The following SRP54 variants were observed in gnomAD, a reference collection of about 807,000 sequenced individuals.
SRP54 encodes signal recognition particle 54.
Under a neutral mutation model 64.8 loss-of-function variants are expected in SRP54, and 10 were observed. That is an observed-to-expected ratio of 0.15 (90% CI 0.10 to 0.26). The LOEUF is 0.26. Ranked by LOEUF, SRP54 falls within the 10% of genes least tolerant of loss-of-function variation. The pLI, the probability that SRP54 is intolerant of heterozygous loss-of-function variation, is 1.00. For synonymous variants in SRP54, 193 were observed against 185.6 expected, an observed-to-expected ratio of 1.04 and a Z score of -0.32; for missense variants, 325 against 613.7, an observed-to-expected ratio of 0.53 and a Z score of 4.97.
chr14:35,026,754 C>T (rs1288137775), intron 14 of SRP54, among the ~76,000 whole-genome samples: 3 of 152,074 alleles, frequency 2.0e-5, no homozygotes, highest in Non-Finnish European at 4.4e-5. Flanking sequence ...ACCATCCTGG[C>T]CAAAATGGTG....
chr14:34,988,560 C>CAAAAAAAAAA (rs1160365086), intron 1 of SRP54, among the ~76,000 whole-genome samples: 12 of 26,336 alleles, frequency 4.6e-4, no homozygotes, highest in Admixed American at 8.0e-4. Flanking sequence ...GACTCCATCT[C>CAAAAAAAAAA]AAAAAAAAAA....
At chr14:35,011,410 T>C in intron 7 of SRP54, 99 bp from the exon 8 acceptor site, 1 of 913,174 alleles carries the variant, frequency 1.1e-6, no homozygotes, top group Non-Finnish European at 1.5e-6. Context: ...TGGGGTCATT[T>C]TGGCTTTTTC....
At chr14:34,991,109 CTTT>C (rs71435838) in intron 1 of SRP54, among the ~76,000 whole-genome samples, 1,251 of 111,100 alleles carry the variant, frequency 0.011, 14 homozygotes, top group Non-Finnish European at 0.018. Context: ...AATTTCTTTT[CTTT>C]TTTTTTTTTT....
intron 7 of SRP54, among the ~76,000 whole-genome samples, chr14:35,010,924 GT>G (rs2044346936): frequency 6.6e-6 from 1 of 151,924 alleles, no homozygotes; most frequent in Admixed American, 6.6e-5. Flanking sequence ...TTTTTCACCC[GT>G]GTTAATTTTT....
intron 1 of SRP54, among the ~76,000 whole-genome samples, chr14:34,988,795 T>G (rs1009089291): frequency 2.0e-5 from 3 of 151,712 alleles, no homozygotes; most frequent in African/African-American, 7.3e-5. Context: ...TACAGTTGTC[T>G]CTTGCTATCT....
chr14:35,011,490 A>G lies in SRP54; in HGVS notation c.486-19A>G, dbSNP rs368962279. 388 of 1,405,904 alleles carry G rather than the reference A, an allele frequency of 2.8e-4. No homozygotes were observed. Among genetic ancestry groups the G allele is most frequent in the Non-Finnish European group, 3.5e-4 (373 of 1,065,172 alleles). The allele number at this position is 1,405,904 out of a possible 1,614,324, so 87.1% of individuals were successfully genotyped here. Reference sequence around the variant, plus strand: ...GGAAGTTTTGTCGTTTTGTTAAATCATTTGTCCATGTTATATAGCTATACA... The same window carrying G: ...GGAAGTTTTGTCGTTTTGTTAAATCGTTTGTCCATGTTATATAGCTATACA... On this transcript the variant is annotated intron_variant, in intron 7 of 15. Transcript: ENST00000216774.
intron 1 of SRP54, chr14:34,993,280 T>A (rs1008243553): frequency 2.0e-5 from 3 of 152,218 alleles, no homozygotes; most frequent in African/African-American, 7.2e-5. Flanking sequence ...GGATATAAAC[T>A]GAAACATCTG....
chr14:35,006,128 C>T (rs1028937206), intron 4 of SRP54, among the ~76,000 whole-genome samples: 1 of 151,846 alleles, frequency 6.6e-6, no homozygotes. Flanking sequence ...CATGAGCCAC[C>T]GCGCCCGGCC....
At chr14:34,992,893 G>T (rs2044003568) in intron 1 of SRP54, among the ~76,000 whole-genome samples, 1 of 151,778 alleles carries the variant, frequency 6.6e-6, no homozygotes, top group African/African-American at 2.4e-5. Context: ...TTTGGAGATG[G>T]AGTCTCACTC....
intron 14 of SRP54, among the ~76,000 whole-genome samples, chr14:35,025,020 A>G (rs2044599024): frequency 6.6e-6 from 1 of 152,156 alleles, no homozygotes; most frequent in Non-Finnish European, 1.5e-5. Flanking sequence ...GGCATGAGCC[A>G]CAACACCTGG....
At chr14:35,009,212 CTT>C (rs2044315878) in intron 7 of SRP54, among the ~76,000 whole-genome samples, 1 of 151,428 alleles carries the variant, frequency 6.6e-6, no homozygotes. Flanking sequence ...TTTTTAAAAA[CTT>C]TTTGTAAAGA....
intron 4 of SRP54, among the ~76,000 whole-genome samples, chr14:35,006,648 A>C (rs1050060093): frequency 6.6e-6 from 1 of 152,168 alleles, no homozygotes; most frequent in Non-Finnish European, 1.5e-5. Context: ...CTTCATATAC[A>C]TTTTTGTATT....
chr14:34,991,955 C>T (rs917520329), intron 1 of SRP54, among the ~76,000 whole-genome samples: 3 of 152,138 alleles, frequency 2.0e-5, no homozygotes, highest in Admixed American at 6.6e-5. Flanking sequence ...TGTTTTAAGA[C>T]GGAGTTTTGC....
chr14:34,993,799 G>A (rs548395403), intron 1 of SRP54, among the ~76,000 whole-genome samples: 175 of 151,574 alleles, frequency 1.2e-3, no homozygotes, highest in Non-Finnish European at 1.5e-3. Flanking sequence ...GGGTTCAAGC[G>A]ATTCACCTGT....
intron 11 of SRP54, among the ~76,000 whole-genome samples, chr14:35,017,056 T>C (rs1209767795): frequency 6.6e-6 from 1 of 152,138 alleles, no homozygotes; most frequent in Non-Finnish European, 1.5e-5. Context: ...GGTTTCACCA[T>C]GGTGGCCAGG....
At chr14:35,008,336 T>G (rs558928599) in intron 5 of SRP54, among the ~76,000 whole-genome samples, 1 of 152,344 alleles carries the variant, frequency 6.6e-6, no homozygotes, top group East Asian at 1.9e-4. Context: ...GGATGATTTT[T>G]AGATCGTTTT....
chr14:35,016,160 ATCT>A (rs1291416687), intron 11 of SRP54, among the ~76,000 whole-genome samples: 6 of 152,002 alleles, frequency 3.9e-5, no homozygotes, highest in South Asian at 4.2e-4. Flanking sequence ...TCTTTCCTAG[ATCT>A]TCTTATTGTA....
intron 1 of SRP54, among the ~76,000 whole-genome samples, chr14:34,994,974 T>C (rs2044043120): frequency 7.0e-6 from 1 of 143,348 alleles, no homozygotes; most frequent in Non-Finnish European, 1.5e-5. Flanking sequence ...GTTGAAGTCC[T>C]GCCTGCTATG....
At chr14:34,992,720 A>G (rs1480881300) in intron 1 of SRP54, among the ~76,000 whole-genome samples, 1 of 152,190 alleles carries the variant, frequency 6.6e-6, no homozygotes, top group Non-Finnish European at 1.5e-5. Flanking sequence ...TGTGTGTATA[A>G]GTCCAGTCCC....
Sources: gnomAD v4.1 joint callset for allele counts (sites outside exome capture counted in the v4.1 genomes callset) on GRCh38, gnomAD v4.1.1 for gene constraint, MANE v1.5 for transcripts, NCBI Gene and HGNC (gene_info 2026-07-23, HGNC 2026-07-21) for gene names.